IFT122: variants seen among roughly 807,000 people sequenced by gnomAD.
IFT122 encodes the protein intraflagellar transport 122.
A neutral mutation model predicts 161.6 loss-of-function variants in IFT122; 118 were observed. That is an observed-to-expected ratio of 0.73 (90% confidence interval 0.63 to 0.85). The LOEUF (loss-of-function observed/expected upper bound fraction) is 0.85, where lower values mean the gene tolerates loss of function less well. Among genes scored for constraint, IFT122 ranks in the 40% least tolerant of loss-of-function variants. The pLI is 0.00. For missense variants in IFT122, 1,381 were observed against 1,579.6 expected (o/e 0.87, Z 2.13); for synonymous variants, 550 against 602.4 (o/e 0.91, Z 1.27).
chr3:129,500,776 G>C (rs2081431646), intron 19 of IFT122, among the ~76,000 whole-genome samples: 1 of 152,194 alleles, frequency 6.6e-6, no homozygotes, highest in Non-Finnish European at 1.5e-5. Flanking sequence ...CTGTGGGTTG[G>C]GGGAAGTGGG....
intron 17 of IFT122, among the ~76,000 whole-genome samples, chr3:129,494,099 G>T (rs2080515806): frequency 6.6e-6 from 1 of 152,200 alleles, no homozygotes; most frequent in African/African-American, 2.4e-5. Context: ...TGCCCATGTT[G>T]ACATGCACCT....
chr3:129,471,059 G>A (rs1369043660), intron 9 of IFT122, among the ~76,000 whole-genome samples: 2 of 152,198 alleles, frequency 1.3e-5, no homozygotes, highest in African/African-American at 4.8e-5. Flanking sequence ...TTATTAGTAG[G>A]CAGGAAATGC....
intron 2 of IFT122, 74 bp downstream of exon 2, chr3:129,450,011 C>CTT (rs79918649): frequency 1.1e-3 from 878 of 776,482 alleles, no homozygotes; most frequent in Non-Finnish European, 1.4e-3. Flanking sequence ...AAATTTGACC[C>CTT]TTTTTTTTTT....
intron 26 of IFT122, among the ~76,000 whole-genome samples, chr3:129,516,546 ACACACAGATTGCTCCTG>A (rs1251719311): frequency 6.8e-4 from 81 of 118,914 alleles, no homozygotes; most frequent in Non-Finnish European, 1.0e-3. Flanking sequence ...GCCCCTGCAC[ACACACAGATTGCTCCTG>A]CACACACACA....
chr3:129,482,739 G>A (rs913932102), intron 14 of IFT122, among the ~76,000 whole-genome samples: 8 of 152,196 alleles, frequency 5.3e-5, no homozygotes, highest in South Asian at 4.1e-4. Context: ...TCTTAAGTTA[G>A]TGAGCCTCTC....
chr3:129,460,357 C>G (rs1167122488), intron 4 of IFT122, among the ~76,000 whole-genome samples: 1 of 152,114 alleles, frequency 6.6e-6, no homozygotes, highest in East Asian at 1.9e-4. Context: ...ACGTAATGTC[C>G]TCAAGGCTCA....
chr3:129,506,625 A>G (rs1010119896), intron 22 of IFT122, 76 bp downstream of exon 22: 4 of 1,592,808 alleles, frequency 2.5e-6, no homozygotes, highest in Non-Finnish European at 3.4e-6. Flanking sequence ...AAGAGCTGGG[A>G]CATTTTAATT....
intron 4 of IFT122, chr3:129,459,555 C>T (rs2075946869): frequency 4.7e-6 from 1 of 211,008 alleles, no homozygotes; most frequent in Admixed American, 5.6e-5. Context: ...TCTTGTGTCC[C>T]TGATACAATG....
intron 25 of IFT122, chr3:129,515,137 A>G (rs2083328388): frequency 2.3e-6 from 1 of 435,760 alleles, no homozygotes. Flanking sequence ...TGTGAGGCTA[A>G]ATGAGCCAGT....
chr3:129,464,317 TGGAGAGTGGGAAG>T (rs1217738180), intron 6 of IFT122, among the ~76,000 whole-genome samples: 4 of 152,014 alleles, frequency 2.6e-5, no homozygotes, highest in African/African-American at 9.7e-5. Flanking sequence ...GGGATTGAGA[TGGAGAGTGGGAAG>T]TGGTGGCTGG....
In IFT122 at chr3:129,478,078, C is replaced by CA; in HGVS notation, c.1212dup (p.Leu405ThrfsTer9). 1 of 1,614,130 alleles carries CA rather than the reference C, an allele frequency of 6.2e-7. No homozygotes were observed. The highest frequency in any genetic ancestry group is 8.5e-7 in the Non-Finnish European group (1 of 1,179,968). ...CATCTACAGAAATCGATTGGCTATC[C>CA]AACTGCCAGAGAAAATCCTCATCTA... On this transcript the variant is annotated frameshift_variant, in exon 12 of 30. Coordinates refer to ENST00000348417, the MANE Select transcript of IFT122 (RefSeq NM_052989.3). LOFTEE classifies it high-confidence loss of function.
chr3:129,478,907 A>ATTCC (rs1346218130), intron 12 of IFT122, among the ~76,000 whole-genome samples: 1 of 152,220 alleles, frequency 6.6e-6, no homozygotes, highest in Non-Finnish European at 1.5e-5. Flanking sequence ...GGAAGTTTTA[A>ATTCC]TTCCTGAAAG....
intron 12 of IFT122, 98 bp downstream of exon 12, chr3:129,478,316 G>T: frequency 1.0e-6 from 1 of 981,974 alleles, no homozygotes; most frequent in Non-Finnish European, 1.6e-6. Flanking sequence ...CTGGTCACTA[G>T]AAAACAAGTC....
intron 3 of IFT122, among the ~76,000 whole-genome samples, chr3:129,455,203 C>T (rs1294917875): frequency 1.3e-5 from 2 of 151,020 alleles, no homozygotes; most frequent in East Asian, 1.9e-4. Flanking sequence ...GATGAAGTCT[C>T]GCTCTGTCGC....
intron 26 of IFT122, 102 bp downstream of exon 26, chr3:129,515,701 C>T: frequency 1.0e-6 from 1 of 962,734 alleles, no homozygotes; most frequent in Non-Finnish European, 1.7e-6. Flanking sequence ...GGCCAAAGGC[C>T]TCTGAATGTC....
chr3:129,516,815 TGCACACACACACAGAGACTGCCCCTGC>T (rs1560024749), intron 26 of IFT122, among the ~76,000 whole-genome samples: 2 of 80,790 alleles, frequency 2.5e-5, no homozygotes, highest in Non-Finnish European at 2.4e-5. Context: ...AGACTGCCCC[TGCACACACACACAGAGACTGCCCCTGC>T]ACACACACAC....
intron 7 of IFT122, among the ~76,000 whole-genome samples, chr3:129,465,637 ATTT>A (rs774334400): frequency 9.1e-6 from 1 of 109,394 alleles, no homozygotes; most frequent in South Asian, 3.3e-4. Flanking sequence ...CGCCTGGCTA[ATTT>A]TTTTTTTTTT....
At chr3:129,448,850 C>T (rs1424970284) in intron 1 of IFT122, among the ~76,000 whole-genome samples, 1 of 152,090 alleles carries the variant, frequency 6.6e-6, no homozygotes, top group Admixed American at 6.5e-5. Flanking sequence ...CACCACCCAC[C>T]ACCATGCCCA....
At chr3:129,448,605 C>A (rs1206330303) in intron 1 of IFT122, among the ~76,000 whole-genome samples, 1 of 152,174 alleles carries the variant, frequency 6.6e-6, no homozygotes, top group African/African-American at 2.4e-5. Context: ...CCATGTTGAA[C>A]ATACTTGGCC....
Sources: allele counts gnomAD v4.1 joint callset (sites outside exome capture counted in the v4.1 genomes callset), GRCh38; gene constraint gnomAD v4.1.1; transcripts MANE v1.5; gene names NCBI Gene and HGNC (gene_info 2026-07-23, HGNC 2026-07-21).